The following IFT46 variants were observed in gnomAD, a reference collection of about 807,000 sequenced individuals.
The protein encoded by IFT46 is intraflagellar transport 46.
In IFT46, 19 loss-of-function variants were observed where a neutral mutation model predicts 39.6. The ratio of observed to expected loss-of-function variants is 0.48; its 90% CI spans 0.33 to 0.70. The LOEUF (loss-of-function observed/expected upper bound fraction) is 0.70, where lower values mean the gene tolerates loss of function less well. Among genes scored for constraint, IFT46 ranks in the 30% least tolerant of loss-of-function variants. IFT46 has a pLI of 0.01. For missense variants in IFT46, 334 were observed against 364.8 expected (o/e 0.92, Z 0.69); for synonymous variants, 117 against 134.8 (o/e 0.87, Z 0.91).
At chr11:118,560,958 G>A in intron 2 of IFT46, 2 of 1,316,190 alleles carry the variant, frequency 1.5e-6, no homozygotes, top group East Asian at 2.3e-5. Flanking sequence ...GTGAAGGTTG[G>A]CCTGACAAAT....
chr11:118,573,495 A>G (rs1467301417), upstream of IFT46: 4 of 504,140 alleles, frequency 7.9e-6, no homozygotes, highest in Non-Finnish European at 1.4e-5. Flanking sequence ...ATTTGTGGAT[A>G]TTCATGAAGT....
upstream of IFT46, among the ~76,000 whole-genome samples, chr11:118,575,074 G>C (rs1317380440): frequency 6.6e-6 from 1 of 152,134 alleles, no homozygotes; most frequent in Non-Finnish European, 1.5e-5. Flanking sequence ...TGCCTCCCGG[G>C]TTCAAGCTAT....
intron 3 of IFT46, 23 bp from the exon 4 acceptor site, chr11:118,557,068 T>C: frequency 1.3e-6 from 2 of 1,556,782 alleles, no homozygotes; most frequent in Middle Eastern, 1.7e-4. Context: ...AGGGCAGGCA[T>C]AGAAAGCTTC....
In IFT46 at chr11:118,557,049, T is replaced by C. The variant is rs112297115; in HGVS notation, c.46-4A>G. 3,553 of 1,596,286 alleles carry C rather than the reference T, an allele frequency of 2.2e-3. 57 individuals carry two copies. In the African/African-American group the frequency reaches 0.038, roughly 17 times the overall value. On this transcript the variant is annotated splice_region_variant and splice_polypyrimidine_tract_variant and intron_variant, in intron 3 of 11. Coordinates refer to ENST00000264021, the MANE Select transcript of IFT46 (RefSeq NM_001168618.2). Reference sequence around the variant, plus strand: ...ACTGTGAGGTCTTCTTCTTCTCCTGTGATAGGGCAGGGCAGGCATAGAAAG... The same window carrying C: ...ACTGTGAGGTCTTCTTCTTCTCCTGCGATAGGGCAGGGCAGGCATAGAAAG...
Position 118,557,231 on chromosome 11 carries a change from C to T in IFT46, c.46-186G>A, listed in dbSNP as rs1238961555. On this transcript the variant is annotated intron_variant, in intron 3 of 11. Transcript: ENST00000264021. ...GCCCCTGCTCAGCTACAAATGGGGACTCCACTTTCTAGAACCCTATTCCAT... is the reference window on the plus strand; with the variant it reads ...GCCCCTGCTCAGCTACAAATGGGGATTCCACTTTCTAGAACCCTATTCCAT... 1.8e-5 allele frequency: 9 copies of T among 490,424 alleles called. No homozygotes were observed. In the East Asian group the frequency reaches 2.6e-4, roughly 14 times the overall value. The allele number at this position is 490,424 out of a possible 1,614,324, so 30.4% of individuals were successfully genotyped here. A position where few individuals can be genotyped will look rare whatever the true frequency, so the allele number is the denominator to read the frequency against.
At chr11:118,568,882 C>T (rs968630314), upstream of IFT46, among the ~76,000 whole-genome samples, 1 of 151,538 alleles carries the variant, frequency 6.6e-6, no homozygotes, top group African/African-American at 2.4e-5. Flanking sequence ...TCTGGAATTC[C>T]TGACCTCAAG....
At chr11:118,565,457 CTGGGGTGGGGTGGGGTGGGGTGGGG>C (rs1208432053) in intron 1 of IFT46, 10 of 64,320 alleles carry the variant, frequency 1.6e-4, no homozygotes, top group Admixed American at 1.1e-3. Context: ...GGAGTCACCT[CTGGGGTGGGGTGGGGTGGGGTGGGG>C]TGGGGTGGGG....
chr11:118,560,920 AT>A (rs1555070491), intron 2 of IFT46: 1 of 966,742 alleles, frequency 1.0e-6, no homozygotes, highest in African/African-American at 1.6e-5. Context: ...TCTGCGCAGC[AT>A]ATGCACACAA....
chr11:118,552,749 T>C (rs1937686302), intron 7 of IFT46, among the ~76,000 whole-genome samples: 1 of 150,868 alleles, frequency 6.6e-6, no homozygotes, highest in Non-Finnish European at 1.5e-5. Flanking sequence ...GCTACGACTG[T>C]GCCACTGCAC....
At chr11:118,567,159 C>CG (rs1337244431), upstream of IFT46, among the ~76,000 whole-genome samples, 21 of 152,066 alleles carry the variant, frequency 1.4e-4, no homozygotes, top group Non-Finnish European at 2.9e-4. Flanking sequence ...GAGGCTGAGG[C>CG]GGGGGGATTG....
intron 8 of IFT46, 101 bp from the exon 9 acceptor site, chr11:118,551,953 G>T: frequency 8.1e-7 from 1 of 1,231,994 alleles, no homozygotes; most frequent in Non-Finnish European, 1.2e-6. Context: ...CTTCAATCTG[G>T]CACATCAGGA....
chr11:118,553,826 G>C (rs912305512), intron 7 of IFT46, among the ~76,000 whole-genome samples: 1 of 152,128 alleles, frequency 6.6e-6, no homozygotes, highest in African/African-American at 2.4e-5. Context: ...TAATTACCAG[G>C]GTCTAGGAGG....
chr11:118,567,307 T>C (rs1938249085), upstream of IFT46, among the ~76,000 whole-genome samples: 1 of 152,080 alleles, frequency 6.6e-6, no homozygotes, highest in Admixed American at 6.5e-5. Flanking sequence ...TCGGGCACGG[T>C]GGCTCACGCC....
intron 1 of IFT46, among the ~76,000 whole-genome samples, chr11:118,565,325 C>G (rs1220939384): frequency 2.0e-5 from 3 of 150,014 alleles, no homozygotes; most frequent in Non-Finnish European, 4.5e-5. Context: ...GAGCCAACTT[C>G]TGCAGCTTCC....
chr11:118,576,876 C>G (rs1363279180), upstream of IFT46, among the ~76,000 whole-genome samples: 1 of 152,166 alleles, frequency 6.6e-6, no homozygotes, highest in African/African-American at 2.4e-5. Flanking sequence ...CTTTCTTCAT[C>G]TTGACGTACT....
Position 118,546,415 on chromosome 11 carries a change from C to G in IFT46, c.673-562G>C, listed in dbSNP as rs1039941305. On this transcript the variant is annotated intron_variant, in intron 9 of 11. Transcript: ENST00000264021. ...CTGGGGTGGGAGGACTGCTTGAGTC[C>G]AGCAGGTTGAGGCTGCAGTGAGCTG... 20 of 443,944 alleles carry G rather than the reference C, an allele frequency of 4.5e-5. No homozygotes were observed. In the Admixed American group the frequency reaches 5.5e-4, roughly 12 times the overall value. 27.5% of individuals were successfully genotyped at this position (443,944 alleles called of 1,614,324 possible).
chr11:118,544,768 C>A lies in IFT46; in HGVS notation c.*148G>T, dbSNP rs79627484. The A allele has an allele frequency of 6.5e-3, 4,096 of 631,434 alleles. 125 individuals are homozygous for A. The highest frequency in any genetic ancestry group is 0.063 in the African/African-American group (3,442 of 54,680). The allele number at this position is 631,434 out of a possible 1,614,324, so 39.1% of individuals were successfully genotyped here. A position where few individuals can be genotyped will look rare whatever the true frequency, so the allele number is the denominator to read the frequency against. On this transcript the variant is annotated 3_prime_UTR_variant, in exon 12 of 12. Transcript: ENST00000264021. ...TTCATTAAACAAACATGTTCTGTGCCCTCTGGCAGAGAGGGCAGCAGGACA... is the reference window on the plus strand; with the variant it reads ...TTCATTAAACAAACATGTTCTGTGCACTCTGGCAGAGAGGGCAGCAGGACA...
Position 118,559,859 on chromosome 11 carries a change from G to C in IFT46, c.-30C>G. 6.3e-7 allele frequency: 1 copy of C among 1,591,298 alleles called. No homozygotes were observed. Among genetic ancestry groups the C allele is most frequent in the Non-Finnish European group, 8.6e-7 (1 of 1,162,334 alleles). ...TTGTTAGGAAGATGGGCAGAACGAG[G>C]AAGTCCTTAGAAAAAAAGTTTTTCC... On this transcript the variant is annotated 5_prime_UTR_variant, in exon 3 of 12. Transcript: ENST00000264021.
At chr11:118,576,127 T>C (rs1351279316), upstream of IFT46, among the ~76,000 whole-genome samples, 4 of 152,078 alleles carry the variant, frequency 2.6e-5, no homozygotes, top group African/African-American at 7.2e-5. Context: ...ACATAATTAG[T>C]GGCAAAGGCA....
Sources: allele counts gnomAD v4.1 joint callset (sites outside exome capture counted in the v4.1 genomes callset), GRCh38; gene constraint gnomAD v4.1.1; transcripts MANE v1.5; gene names NCBI Gene and HGNC (gene_info 2026-07-23, HGNC 2026-07-21).